Variants in KSR1 observed in about 807,000 individuals in gnomAD.
The protein encoded by KSR1 is kinase suppressor of ras 1.
In KSR1, 35 loss-of-function variants were observed where a neutral mutation model predicts 92.9. That is an observed-to-expected ratio of 0.38 (90% CI 0.29 to 0.50). The LOEUF (loss-of-function observed/expected upper bound fraction) is 0.50. Among genes scored for constraint, KSR1 ranks in the 20% least tolerant of loss-of-function variants. KSR1 has a pLI of 0.94. For missense variants in KSR1, 972 were observed against 1,158.5 expected, an observed-to-expected ratio of 0.84 and a Z score of 2.34; for synonymous variants, 467 against 472.6, an observed-to-expected ratio of 0.99 and a Z score of 0.15.
chr17:27,465,222 T>G (rs1324754458), intron 1 of KSR1: 1 of 152,226 alleles, frequency 6.6e-6, no homozygotes, highest in African/African-American at 2.4e-5. Context: ...AATCTATTTA[T>G]GTAAGTCTGT....
chr17:27,517,495 G>T (rs914350343), intron 1 of KSR1, among the ~76,000 whole-genome samples: 3 of 152,142 alleles, frequency 2.0e-5, no homozygotes, highest in African/African-American at 7.2e-5. Context: ...TTGCCATGTT[G>T]CCCAGGCTGG....
chr17:27,561,320 C>T (rs1359958565), intron 2 of KSR1, among the ~76,000 whole-genome samples: 1 of 152,170 alleles, frequency 6.6e-6, no homozygotes, highest in Non-Finnish European at 1.5e-5. Context: ...TGTGTGTGCA[C>T]GTGTGTCTCT....
chr17:27,526,070 CTCTTTCTT>C (rs1555576389), intron 1 of KSR1, among the ~76,000 whole-genome samples: 5 of 81,380 alleles, frequency 6.1e-5, no homozygotes, highest in South Asian at 5.1e-4. Flanking sequence ...CTCTTTCTTT[CTCTTTCTT>C]TCTTTCTTTC....
chr17:27,543,820 G>C (rs916273218), intron 1 of KSR1, among the ~76,000 whole-genome samples: 4 of 152,176 alleles, frequency 2.6e-5, no homozygotes, highest in Non-Finnish European at 5.9e-5. Context: ...GAGTCAGCTG[G>C]GTGGGTACAG....
chr17:27,472,747 G>A (rs888978824), intron 1 of KSR1, among the ~76,000 whole-genome samples: 4 of 152,144 alleles, frequency 2.6e-5, no homozygotes, highest in African/African-American at 9.7e-5. Context: ...AGGTTGCAGT[G>A]AGCTGAGATC....
intron 1 of KSR1, among the ~76,000 whole-genome samples, chr17:27,458,359 A>G (rs1229624369): frequency 6.6e-6 from 1 of 152,170 alleles, no homozygotes; most frequent in Non-Finnish European, 1.5e-5. Context: ...GCTGTCTGGC[A>G]GAGTGTGCGT....
intron 1 of KSR1, among the ~76,000 whole-genome samples, chr17:27,530,404 C>T (rs777658897): frequency 5.7e-4 from 86 of 151,766 alleles, no homozygotes; most frequent in Non-Finnish European, 1.2e-3. Flanking sequence ...GTGATTACAC[C>T]ACCGCACTCC....
At chr17:27,544,740 G>A (rs1246222249) in intron 1 of KSR1, among the ~76,000 whole-genome samples, 4 of 152,174 alleles carry the variant, frequency 2.6e-5, no homozygotes, top group African/African-American at 9.7e-5. Context: ...TATATCTTGC[G>A]GTTTTGTGGT....
chr17:27,491,304 GGTGTGTGTGTGTGTGTGTGTGTGTGT>G (rs60738939), intron 1 of KSR1, among the ~76,000 whole-genome samples: 9 of 110,066 alleles, frequency 8.2e-5, no homozygotes, highest in Non-Finnish European at 1.2e-4. Context: ...TTTTGTTAGT[GGTGTGTGTGTGTGTGTGTGTGTGTGT>G]GTGTGTGTGT....
At chr17:27,466,130 T>C (rs1398704128) in intron 1 of KSR1, among the ~76,000 whole-genome samples, 1 of 152,262 alleles carries the variant, frequency 6.6e-6, no homozygotes, top group East Asian at 1.9e-4. Context: ...AGGGGATCTT[T>C]TCTTCCACTG....
At chr17:27,602,743 G>A (rs544270485) in intron 11 of KSR1, among the ~76,000 whole-genome samples, 22 of 152,302 alleles carry the variant, frequency 1.4e-4, no homozygotes, top group South Asian at 6.2e-4. Context: ...CACTGTGTCC[G>A]GGGGAGGCCT....
intron 3 of KSR1, chr17:27,578,190 A>G (rs1175224389): frequency 5.9e-6 from 1 of 169,622 alleles, no homozygotes; most frequent in Non-Finnish European, 1.3e-5. Flanking sequence ...CGTCGGAAAC[A>G]GCTTCAAATG....
intron 1 of KSR1, among the ~76,000 whole-genome samples, chr17:27,492,884 C>T (rs2068870350): frequency 6.6e-6 from 1 of 152,174 alleles, no homozygotes; most frequent in Non-Finnish European, 1.5e-5. Context: ...GAATTCCTGG[C>T]ACATGGTAGG....
At chr17:27,494,208 T>C (rs2068910757) in intron 1 of KSR1, among the ~76,000 whole-genome samples, 1 of 152,190 alleles carries the variant, frequency 6.6e-6, no homozygotes, top group Admixed American at 6.5e-5. Flanking sequence ...ATTTTTTTTA[T>C]GGCCCTTAAA....
intron 1 of KSR1, among the ~76,000 whole-genome samples, chr17:27,506,585 G>C (rs550569773): frequency 5.9e-5 from 9 of 152,116 alleles, no homozygotes; most frequent in Admixed American, 1.3e-4. Context: ...CTTGCGGGCC[G>C]GCAGCTGGGA....
chr17:27,582,403 A>G (rs1245939723), intron 3 of KSR1, among the ~76,000 whole-genome samples: 2 of 152,010 alleles, frequency 1.3e-5, no homozygotes, highest in African/African-American at 2.4e-5. Context: ...TGGATTTTGG[A>G]TTTTCAGATT....
intron 1 of KSR1, among the ~76,000 whole-genome samples, chr17:27,536,212 G>T (rs1003182981): frequency 6.6e-6 from 1 of 152,162 alleles, no homozygotes; most frequent in Non-Finnish European, 1.5e-5. Flanking sequence ...GCCCCTCCCC[G>T]AGAAGCACCA....
intron 1 of KSR1, among the ~76,000 whole-genome samples, chr17:27,481,191 T>G (rs1383744841): frequency 6.6e-6 from 1 of 152,128 alleles, no homozygotes; most frequent in Non-Finnish European, 1.5e-5. Flanking sequence ...AGAAATTTTA[T>G]TTTTGGGAAT....
At chr17:27,588,630 T>G in intron 6 of KSR1, 95 bp downstream of exon 6, 2 of 1,159,432 alleles carry the variant, frequency 1.7e-6, no homozygotes, top group Non-Finnish European at 2.4e-6. Context: ...AGCGAGCTCT[T>G]TGCCTCTGAC....
Sources: gnomAD v4.1 joint callset for allele counts (sites outside exome capture counted in the v4.1 genomes callset) on GRCh38, gnomAD v4.1.1 for gene constraint, MANE v1.5 for transcripts, NCBI Gene and HGNC (gene_info 2026-07-23, HGNC 2026-07-21) for gene names.